SFXN4: variants seen among roughly 807,000 people sequenced by gnomAD.
SFXN4 encodes sideroflexin-4.
Under a neutral mutation model 54.6 loss-of-function variants are expected in SFXN4, and 48 were observed. The ratio of observed to expected loss-of-function variants is 0.88; its 90% CI spans 0.70 to 1.12. The LOEUF is 1.12. Ranked by LOEUF, SFXN4 falls within the 50% of genes most tolerant of loss-of-function variation. The pLI is 0.00. For missense variants in SFXN4, 383 were observed against 409.2 expected (o/e 0.94, Z 0.55); for synonymous variants, 130 against 145.5 (o/e 0.89, Z 0.77).
In SFXN4 at chr10:119,155,053, G is replaced by T. The variant is rs1214193739; in HGVS notation, c.732+9C>A. On this transcript the variant is annotated intron_variant, in intron 11 of 13. Transcript: ENST00000355697. ...AGGCAAGCAGCTATAGCTTCATCCT[G>T]TCTCTTACCTTTGTCCCAGCAATTC... 2 of 1,600,102 alleles carry T rather than the reference G, an allele frequency of 1.2e-6. No homozygotes were observed. Among genetic ancestry groups the T allele is most frequent in the Non-Finnish European group, 1.7e-6 (2 of 1,167,474 alleles).
At chr10:119,158,510 G>A (rs552885726) in intron 6 of SFXN4, among the ~76,000 whole-genome samples, 1 of 151,370 alleles carries the variant, frequency 6.6e-6, no homozygotes, top group South Asian at 2.1e-4. Context: ...CAGCTACTCG[G>A]GAGGCTGAGG....
chr10:119,153,066 C>A (rs1404448226), intron 11 of SFXN4, among the ~76,000 whole-genome samples: 1 of 152,150 alleles, frequency 6.6e-6, no homozygotes, highest in Non-Finnish European at 1.5e-5. Flanking sequence ...ATAGACTATA[C>A]CAGGTTCTCA....
intron 2 of SFXN4, among the ~76,000 whole-genome samples, 177 bp from the exon 3 acceptor site, chr10:119,162,591 A>G (rs1383819825): frequency 6.6e-6 from 1 of 152,060 alleles, no homozygotes; most frequent in Non-Finnish European, 1.5e-5. Context: ...AGTGCCATTC[A>G]GATTTATGCC....
At chr10:119,155,316 G>T in intron 10 of SFXN4, 139 bp from the exon 11 acceptor site, 1 of 633,172 alleles carries the variant, frequency 1.6e-6, no homozygotes, top group Non-Finnish European at 2.9e-6. Flanking sequence ...GTGGACACCT[G>T]CCATAGGCTG....
At chr10:119,159,705 A>G in intron 6 of SFXN4, 23 bp downstream of exon 6, 1 of 1,613,678 alleles carries the variant, frequency 6.2e-7, no homozygotes, top group Non-Finnish European at 8.5e-7. Flanking sequence ...TAGTCTCCTA[A>G]CGGCAAATGT....
intron 12 of SFXN4, 80 bp from the exon 13 acceptor site, chr10:119,146,433 G>GTA: frequency 3.6e-6 from 1 of 280,020 alleles, no homozygotes; most frequent in Non-Finnish European, 6.3e-6. Flanking sequence ...CAGGGCGTGT[G>GTA]TGTGTGTGTG....
chr10:119,164,155 A>G lies in SFXN4; in HGVS notation c.153T>C (p.Asp51=). Reference sequence around the variant, plus strand: ...CAACTGAAATGAACACATTTGTAGGATCTAATAATTCTGTCCATTGAAGAA... The same window carrying G: ...CAACTGAAATGAACACATTTGTAGGGTCTAATAATTCTGTCCATTGAAGAA... The part of the protein sequence containing the change: ...RRFLQWTELL[D]PTNVFISVES... The change falls in exon 2 of 14, where the codon GAT becomes GAC. Residue 51 remains aspartate (D), a synonymous_variant. Coordinates refer to ENST00000355697, the MANE Select transcript of SFXN4 (RefSeq NM_213649.2). 1.9e-6 allele frequency: 3 copies of G among 1,592,876 alleles called. No individual in the cohort carries two copies. The highest frequency in any genetic ancestry group is 2.6e-6 in the Non-Finnish European group (3 of 1,168,226).
rs1419260277 is a variant in SFXN4, at chr10:119,161,429, A to AC, written c.253-349_253-348insG. ...CCTTAAAAAAACAACAACAACAACA[A>AC]AAAAAAACAAAAAAAAAAAAAAAGC... is the stretch of plus-strand genomic sequence containing the variant. On this transcript the variant is annotated intron_variant, in intron 3 of 13. Transcript: ENST00000355697. Among the ~76,000 whole-genome samples, 153 of 125,428 alleles carry AC rather than the reference A, an allele frequency of 1.2e-3. 1 individual carries two copies. Among genetic ancestry groups the AC allele is most frequent in the African/African-American group, 4.2e-3 (148 of 35,380 alleles). 82.3% of individuals were successfully genotyped at this position (125,428 alleles called of 152,430 possible). A position where few individuals can be genotyped will look rare whatever the true frequency, so the allele number is the denominator to read the frequency against.
At chr10:119,153,394 C>T (rs1847151017) in intron 11 of SFXN4, among the ~76,000 whole-genome samples, 1 of 139,172 alleles carries the variant, frequency 7.2e-6, no homozygotes. Context: ...CAGAAGGAGA[C>T]CCTGTCTCAA....
intron 6 of SFXN4, among the ~76,000 whole-genome samples, chr10:119,158,968 G>A (rs373704245): frequency 9.2e-5 from 14 of 152,194 alleles, no homozygotes; most frequent in Admixed American, 7.9e-4. Flanking sequence ...GGGCAACAGA[G>A]CAAGACCCTA....
intron 12 of SFXN4, 101 bp from the exon 13 acceptor site, chr10:119,146,454 T>TGCGC: frequency 1.8e-6 from 1 of 561,118 alleles, no homozygotes. Flanking sequence ...TGTGTGTGTG[T>TGCGC]GTGTGTGCAC....
Position 119,146,460 on chromosome 10 carries a change from T to TGTGTGTGTGTGC in SFXN4, c.819-108_819-107insGCACACACACAC, listed in dbSNP as rs141608372. 86 of 570,998 alleles carry TGTGTGTGTGTGC rather than the reference T, an allele frequency of 1.5e-4. 2 individuals carry two copies. Among genetic ancestry groups the TGTGTGTGTGTGC allele is most frequent in the Middle Eastern group, 1.1e-3 (4 of 3,608 alleles). The allele number at this position is 570,998 out of a possible 1,614,324, so 35.4% of individuals were successfully genotyped here. A position where few individuals can be genotyped will look rare whatever the true frequency, so the allele number is the denominator to read the frequency against. On this transcript the variant is annotated intron_variant, in intron 12 of 13. Transcript: ENST00000355697. ...GTGTGTGTGTGTGTGTGTGTGTGTG[T>TGTGTGTGTGTGC]GCACGTGTGTGTGTACCTGAACACC...
At chr10:119,141,446 T>C (rs1050283718) in intron 13 of SFXN4, 127 bp from the exon 14 acceptor site, 4 of 470,662 alleles carry the variant, frequency 8.5e-6, no homozygotes, top group African/African-American at 4.8e-5. Context: ...GTCTAATCTA[T>C]AGCAGAAAAT....
chr10:119,153,402 C>CAAAA (rs34129853), intron 11 of SFXN4, among the ~76,000 whole-genome samples: 1 of 98,382 alleles, frequency 1.0e-5, no homozygotes, highest in South Asian at 3.0e-4. Flanking sequence ...GACCCTGTCT[C>CAAAA]AAAAAAAAAA....
rs148060557 is a variant in SFXN4 at position 119,161,469 on chromosome 10, C to T, written c.253-388G>A. 4.6e-3 allele frequency among the ~76,000 whole-genome samples: 680 copies of T among 148,882 alleles called. 2 individuals carry two copies. Among genetic ancestry groups the T allele is most frequent in the Non-Finnish European group, 7.2e-3 (480 of 67,112 alleles). ...AAAAAAAAAGCTTTTAAAGGTGGCT[C>T]AACAGCAAAGAATTTCTTTGCCTGT... On this transcript the variant is annotated intron_variant, in intron 3 of 13. Coordinates refer to ENST00000355697, the MANE Select transcript of SFXN4 (RefSeq NM_213649.2).
rs879223179 is a variant in SFXN4 at position 119,146,462 on chromosome 10, C to T, written c.819-109G>A. On this transcript the variant is annotated intron_variant, in intron 12 of 13. Transcript: ENST00000355697. ...GTGTGTGTGTGTGTGTGTGTGTGTG[C>T]ACGTGTGTGTGTACCTGAACACCTG... 355 of 470,856 alleles carry T rather than the reference C, an allele frequency of 7.5e-4. 15 individuals carry two copies. Among genetic ancestry groups the T allele is most frequent in the Admixed American group, 4.1e-3 (108 of 26,182 alleles). 29.2% of individuals were successfully genotyped at this position (470,856 alleles called of 1,614,324 possible). A position where few individuals can be genotyped will look rare whatever the true frequency, so the allele number is the denominator to read the frequency against.
chr10:119,141,210 A>C lies in SFXN4; in HGVS notation c.*32T>G. The C allele has an allele frequency of 6.5e-7, 1 of 1,530,540 alleles. No homozygotes were observed. The highest frequency in any genetic ancestry group is 1.7e-4 in the Middle Eastern group (1 of 5,844). 94.8% of individuals were successfully genotyped at this position (1,530,540 alleles called of 1,614,324 possible). On this transcript the variant is annotated 3_prime_UTR_variant, in exon 14 of 14. Transcript: ENST00000355697. The stretch of plus-strand genomic sequence containing the variant: ...CCTGGAGAGGGGAAGGTTTTCAAGC[A>C]GGAACCACATAAATTCACCTAAAAC...
In SFXN4 at chr10:119,141,005, T is replaced by C; in HGVS notation, c.*237A>G. 1 of 427,838 alleles carries C rather than the reference T, an allele frequency of 2.3e-6. No individual in the cohort carries two copies. The highest frequency in any genetic ancestry group is 4.2e-6 in the Non-Finnish European group (1 of 239,126). 26.5% of individuals were successfully genotyped at this position (427,838 alleles called of 1,614,324 possible). On this transcript the variant is annotated 3_prime_UTR_variant, in exon 14 of 14. Coordinates refer to ENST00000355697, the MANE Select transcript of SFXN4 (RefSeq NM_213649.2). ...GCAGGCCGATCCCCACTCCAACCGT[T>C]CCCTCAGCAACCCCAGGGGTGTCAG...
At chr10:119,150,871 C>A (rs1316209148) in intron 11 of SFXN4, among the ~76,000 whole-genome samples, 2 of 152,070 alleles carry the variant, frequency 1.3e-5, no homozygotes, top group Non-Finnish European at 2.9e-5. Flanking sequence ...TGGACACAAC[C>A]CAAACGTCCA....
Sources: allele counts gnomAD v4.1 joint callset (sites outside exome capture counted in the v4.1 genomes callset), GRCh38; gene constraint gnomAD v4.1.1; transcripts MANE v1.5; gene names NCBI Gene and HGNC (gene_info 2026-07-23, HGNC 2026-07-21).